The following MITF variants were observed in gnomAD, a reference collection of about 807,000 sequenced individuals.
The protein encoded by MITF is melanocyte inducing transcription factor.
Under a neutral mutation model 60.5 loss-of-function variants are expected in MITF, and 17 were observed. That is an observed-to-expected ratio of 0.28 (90% CI 0.19 to 0.42). MITF has a LOEUF of 0.42. Ranked by LOEUF, MITF falls within the 10% of genes least tolerant of loss-of-function variation. The probability of loss-of-function intolerance (pLI) is 1.00; values close to 1 mark genes in which losing one functional copy is unlikely to be tolerated. For missense variants in MITF, 622 were observed against 683.5 expected (o/e 0.91, Z 1.00); for synonymous variants, 260 against 248.5 (o/e 1.05, Z -0.43).
At chr3:69,947,803 A>G (rs1381127896) in intron 5 of MITF, among the ~76,000 whole-genome samples, 3 of 152,134 alleles carry the variant, frequency 2.0e-5, no homozygotes, top group Non-Finnish European at 1.5e-5. Flanking sequence ...CTCTTTAGCT[A>G]GGGGTTTAAT....
intron 4 of MITF, 99 bp from the exon 5 acceptor site, chr3:69,941,137 A>G (rs1013811703): frequency 1.5e-5 from 11 of 738,542 alleles, no homozygotes; most frequent in East Asian, 2.7e-5. Flanking sequence ...ACTAAAGACC[A>G]TTATTGCTTT....
chr3:69,960,855 C>T (rs1042157516), intron 9 of MITF, among the ~76,000 whole-genome samples: 6 of 152,062 alleles, frequency 3.9e-5, no homozygotes, highest in Admixed American at 2.0e-4. Context: ...TTTGAAATGC[C>T]ACATCTCTCA....
At chr3:69,927,969 AAC>A (rs1268537514) in intron 2 of MITF, among the ~76,000 whole-genome samples, 1 of 152,266 alleles carries the variant, frequency 6.6e-6, no homozygotes, top group Non-Finnish European at 1.5e-5. Context: ...ATCTATAAAA[AAC>A]AGAGTGTTTT....
intron 1 of MITF, among the ~76,000 whole-genome samples, chr3:69,790,544 A>G (rs1224210640): frequency 6.6e-6 from 1 of 152,198 alleles, no homozygotes; most frequent in Non-Finnish European, 1.5e-5. Flanking sequence ...ACCTGGCACT[A>G]ATTTTACTAC....
intron 2 of MITF, among the ~76,000 whole-genome samples, chr3:69,921,453 A>G (rs1044919128): frequency 5.9e-5 from 9 of 152,196 alleles, no homozygotes; most frequent in Non-Finnish European, 1.0e-4. Context: ...CATTCTATAT[A>G]GTTTTAGGGC....
chr3:69,852,649 C>T (rs2063844471), intron 1 of MITF, among the ~76,000 whole-genome samples: 1 of 152,122 alleles, frequency 6.6e-6, no homozygotes, highest in Admixed American at 6.6e-5. Context: ...GGTGAACACA[C>T]ATATAAATTT....
At chr3:69,939,321 T>A in intron 4 of MITF, 140 bp downstream of exon 4, 1 of 748,438 alleles carries the variant, frequency 1.3e-6, no homozygotes, top group Non-Finnish European at 2.3e-6. Flanking sequence ...CTAGGAACAT[T>A]GCCATTTTCC....
chr3:69,825,377 A>G (rs1281765869), intron 1 of MITF, among the ~76,000 whole-genome samples: 1 of 152,170 alleles, frequency 6.6e-6, no homozygotes, highest in East Asian at 1.9e-4. Flanking sequence ...GAGGAAGAGA[A>G]TAGTGGTTCT....
chr3:69,795,687 T>C (rs2062815857), intron 1 of MITF, among the ~76,000 whole-genome samples: 1 of 152,096 alleles, frequency 6.6e-6, no homozygotes, highest in Admixed American at 6.6e-5. Flanking sequence ...CTTTGCACCA[T>C]TGCACTCCTG....
chr3:69,902,419 T>C (rs2065013635), intron 2 of MITF, among the ~76,000 whole-genome samples: 1 of 152,200 alleles, frequency 6.6e-6, no homozygotes, highest in Non-Finnish European at 1.5e-5. Flanking sequence ...TACAAGGACA[T>C]ATGACAAACT....
intron 1 of MITF, among the ~76,000 whole-genome samples, chr3:69,797,537 G>A (rs1575729200): frequency 6.6e-6 from 1 of 152,152 alleles, no homozygotes; most frequent in African/African-American, 2.4e-5. Context: ...GGGTATAGGT[G>A]TGATGGTGGA....
chr3:69,754,745 G>A (rs1034312907), intron 1 of MITF, among the ~76,000 whole-genome samples: 2 of 152,002 alleles, frequency 1.3e-5, no homozygotes, highest in African/African-American at 4.8e-5. Context: ...CTAAGTGATA[G>A]GGTAATTGTA....
At position 69,965,044 on chromosome 3, in the gene MITF, C is replaced by A; in HGVS notation, c.1377C>A (p.Asn459Lys). The change falls in exon 10 of 10, where the codon AAC becomes AAA. Residue 459 changes from asparagine (N) to lysine (K), a missense_variant. This residue lies in a region of MITF where 224 missense variants were observed against 209.5 expected (regional missense o/e 1.07). Transcript: ENST00000352241. ...DLTDGTITFNNNLGTGTEANQ... is the reference protein window; with the variant it reads ...DLTDGTITFNKNLGTGTEANQ... Reference sequence around the variant, plus strand: ...CGGATGGCACCATCACCTTCAACAACAACCTCGGAACTGGGACTGAGGCCA... The same window carrying A: ...CGGATGGCACCATCACCTTCAACAAAAACCTCGGAACTGGGACTGAGGCCA... The A allele has an allele frequency of 6.2e-7, 1 of 1,614,174 alleles. No individual in the cohort carries two copies. Among genetic ancestry groups the A allele is most frequent in the Non-Finnish European group, 8.5e-7 (1 of 1,180,022 alleles).
In MITF at chr3:69,937,962, CG is replaced by C; in HGVS notation, c.496del (p.Asp166IlefsTer47). 6.2e-7 allele frequency: 1 copy of C among 1,614,168 alleles called. No homozygotes were observed. The highest frequency in any genetic ancestry group is 2.2e-5 in the East Asian group (1 of 44,854). On this transcript the variant is annotated frameshift_variant, in exon 3 of 10. Transcript: ENST00000352241. LOFTEE classifies it high-confidence loss of function. ...LSLPCPNQPG[D>X]HVMPPVPGSS... The stretch of plus-strand genomic sequence containing the variant: ...GCTTGCCATGTCCAAACCAGCCTGG[CG>C]ATCATGTCATGCCACCGGTGCCGGG...
intron 1 of MITF, among the ~76,000 whole-genome samples, chr3:69,780,543 C>A (rs2062546756): frequency 6.6e-6 from 1 of 152,104 alleles, no homozygotes; most frequent in Non-Finnish European, 1.5e-5. Context: ...GACTGGGGAG[C>A]AGTTTTCCTG....
chr3:69,954,940 TA>T (rs1194034395), intron 7 of MITF, among the ~76,000 whole-genome samples: 1 of 152,236 alleles, frequency 6.6e-6, no homozygotes, highest in East Asian at 1.9e-4. Flanking sequence ...GAGTAACTAT[TA>T]ACAACTTTAA....
intron 2 of MITF, among the ~76,000 whole-genome samples, chr3:69,911,252 G>A (rs1001410390): frequency 1.3e-5 from 2 of 152,154 alleles, no homozygotes; most frequent in Non-Finnish European, 2.9e-5. Flanking sequence ...GGAACTGTAA[G>A]TCCAATTAAA....
chr3:69,943,356 A>G (rs2066015505), intron 5 of MITF, among the ~76,000 whole-genome samples: 1 of 152,110 alleles, frequency 6.6e-6, no homozygotes. Flanking sequence ...TCTGGGGTCA[A>G]ACCCTGAATC....
chr3:69,841,563 A>C (rs1243854535), intron 1 of MITF, among the ~76,000 whole-genome samples: 1 of 152,204 alleles, frequency 6.6e-6, no homozygotes, highest in Non-Finnish European at 1.5e-5. Context: ...CAGCTGTGCC[A>C]AATTTGGAAA....
Sources: allele counts gnomAD v4.1 joint callset (sites outside exome capture counted in the v4.1 genomes callset), GRCh38; gene constraint gnomAD v4.1.1; regional missense constraint gnomAD v4.1.1; transcripts MANE v1.5; gene names NCBI Gene and HGNC (gene_info 2026-07-23, HGNC 2026-07-21).